TUB: variants seen among roughly 807,000 people sequenced by gnomAD.
The protein encoded by TUB is tubby protein homolog.
A neutral mutation model predicts 59.7 loss-of-function variants in TUB; 33 were observed. That is an observed-to-expected ratio of 0.55 (90% CI 0.42 to 0.74). The LOEUF (loss-of-function observed/expected upper bound fraction) is 0.74. Among genes scored for constraint, TUB ranks in the 30% least tolerant of loss-of-function variants. The pLI is 0.00. For synonymous variants in TUB, 293 were observed against 256.4 expected (o/e 1.14, Z -1.36); for missense variants, 659 against 672.0 (o/e 0.98, Z 0.21).
chr11:8,049,576 T>TAG (rs1564902522), intron 2 of TUB, among the ~76,000 whole-genome samples: 160 of 128,986 alleles, frequency 1.2e-3, no homozygotes, highest in African/African-American at 4.8e-3. Context: ...TATATATATA[T>TAG]ATATAGATAG....
intron 2 of TUB, among the ~76,000 whole-genome samples, chr11:8,042,713 T>C (rs2133737175): frequency 6.6e-6 from 1 of 152,370 alleles, no homozygotes; most frequent in Non-Finnish European, 1.5e-5. Flanking sequence ...TGACTAACAA[T>C]GTGCTTATGG....
At chr11:8,086,091 C>G (rs546242059) in intron 1 of TUB, among the ~76,000 whole-genome samples, 8 of 152,158 alleles carry the variant, frequency 5.3e-5, no homozygotes, top group African/African-American at 1.4e-4. Context: ...AGGAGGTGCC[C>G]GTGATGTAGG....
chr11:8,070,037 G>A (rs1197210815), intron 2 of TUB, among the ~76,000 whole-genome samples: 4 of 152,200 alleles, frequency 2.6e-5, no homozygotes, highest in Non-Finnish European at 4.4e-5. Flanking sequence ...ACTAGCCAGC[G>A]AGGCAACATG....
chr11:8,062,252 TG>T (rs71059148), intron 2 of TUB: 152,497 of 152,500 alleles, frequency 1, 76,247 homozygotes, highest in Middle Eastern at 1. Flanking sequence ...CCTGGGCAGG[TG>T]GGGGCCGCGG....
At chr11:8,048,810 G>A (rs2133749084) in intron 2 of TUB, among the ~76,000 whole-genome samples, 1 of 152,194 alleles carries the variant, frequency 6.6e-6, no homozygotes, top group African/African-American at 2.4e-5. Flanking sequence ...AATATGTAAT[G>A]TTGTAATGTT....
intron 2 of TUB, among the ~76,000 whole-genome samples, chr11:8,072,300 A>C (rs930936168): frequency 6.6e-6 from 1 of 152,068 alleles, no homozygotes; most frequent in Admixed American, 6.5e-5. Context: ...CAGAGGGGGA[A>C]GGGACCCTCT....
chr11:8,073,648 A>G (rs1943395423), intron 2 of TUB, among the ~76,000 whole-genome samples: 1 of 152,194 alleles, frequency 6.6e-6, no homozygotes, highest in South Asian at 2.1e-4. Context: ...TGCAAATCCA[A>G]TAATGCTGGT....
At chr11:8,049,141 GTGCTTTCCAAACCCT>G (rs1256931277) in intron 2 of TUB, among the ~76,000 whole-genome samples, 1 of 152,160 alleles carries the variant, frequency 6.6e-6, no homozygotes, top group Non-Finnish European at 1.5e-5. Flanking sequence ...GGGCTACCTT[GTGCTTTCCAAACCCT>G]TGCCCTTCTA....
intron 10 of TUB, 102 bp from the exon 11 acceptor site, chr11:8,100,724 T>A: frequency 6.4e-7 from 1 of 1,560,472 alleles, no homozygotes; most frequent in Non-Finnish European, 8.8e-7. Context: ...GCCCTGGAGG[T>A]CTAGGGAAAT....
At position 8,104,572 on chromosome 11, in the gene TUB, T is replaced by A. The variant is rs1327105410; in HGVS notation, c.*2953T>A. The A allele has an allele frequency of 6.6e-6, 1 of 152,180 alleles. No homozygotes were observed. The highest frequency in any genetic ancestry group is 1.5e-5 in the Non-Finnish European group (1 of 68,016). 9.4% of individuals were successfully genotyped at this position (152,180 alleles called of 1,614,324 possible). A position where few individuals can be genotyped will look rare whatever the true frequency, so the allele number is the denominator to read the frequency against. ...TTGTTATGATCGCCTGTGGATTTTG[T>A]CCATTCATCTCATGCTCTCTGAACA... is the stretch of plus-strand genomic sequence containing the variant. On this transcript the variant is annotated 3_prime_UTR_variant, in exon 12 of 12. Transcript: ENST00000299506.
chr11:8,100,788 A>G, intron 10 of TUB, 38 bp from the exon 11 acceptor site: 1 of 1,609,278 alleles, frequency 6.2e-7, no homozygotes, highest in Non-Finnish European at 8.5e-7. Context: ...CATGGTGCCA[A>G]AGGCCTGGGC....
chr11:8,089,479 G>A (rs1016263259), intron 1 of TUB, 131 bp from the exon 2 acceptor site: 13 of 1,083,890 alleles, frequency 1.2e-5, no homozygotes, highest in Admixed American at 1.9e-5. Context: ...CTTCTACCAT[G>A]TGGGCTCACT....
chr11:8,038,405 C>T (rs1473732331), upstream of TUB, among the ~76,000 whole-genome samples: 9 of 152,134 alleles, frequency 5.9e-5, no homozygotes, highest in Non-Finnish European at 1.0e-4. Context: ...CTAGAAGGCA[C>T]GATGTGTGCC....
chr11:8,023,458 C>T (rs1942459082), intron 1 of TUB, among the ~76,000 whole-genome samples: 1 of 152,234 alleles, frequency 6.6e-6, no homozygotes, highest in Non-Finnish European at 1.5e-5. Flanking sequence ...CCAGTTCACT[C>T]TATTCCATTC....
intron 2 of TUB, 52 bp downstream of exon 2, chr11:8,089,713 G>C (rs1157857811): frequency 6.2e-7 from 1 of 1,605,316 alleles, no homozygotes; most frequent in Non-Finnish European, 8.5e-7. Flanking sequence ...TGGGATCTCT[G>C]AGGGCAGAGG....
chr11:8,037,999 A>G (rs1167790320), upstream of TUB, among the ~76,000 whole-genome samples: 6 of 152,204 alleles, frequency 3.9e-5, no homozygotes, highest in African/African-American at 1.4e-4. Context: ...AGAGATGCTC[A>G]GTAGATGGCA....
rs1944380783 is a variant in TUB at position 8,103,205 on chromosome 11, A to T, written c.*1586A>T. 6.6e-6 allele frequency: 1 copy of T among 152,088 alleles called. No homozygotes were observed. Among genetic ancestry groups the T allele is most frequent in the East Asian group, 1.9e-4 (1 of 5,162 alleles). The allele number at this position is 152,088 out of a possible 1,614,324, so 9.4% of individuals were successfully genotyped here. A position where few individuals can be genotyped will look rare whatever the true frequency, so the allele number is the denominator to read the frequency against. ...GGGCCTGAGCCTAACTCCCTCCACT[A>T]CCGCTATTTCTCCTTGGATGGCACC... On this transcript the variant is annotated 3_prime_UTR_variant, in exon 12 of 12. Transcript: ENST00000299506.
intron 1 of TUB, among the ~76,000 whole-genome samples, chr11:8,085,504 G>A (rs572837090): frequency 1.3e-3 from 200 of 152,344 alleles, no homozygotes; most frequent in Admixed American, 2.3e-3. Context: ...AGAAGCCACA[G>A]ATCTGGACTT....
At chr11:8,043,018 T>C (rs1290657538) in intron 2 of TUB, among the ~76,000 whole-genome samples, 1 of 152,336 alleles carries the variant, frequency 6.6e-6, no homozygotes, top group East Asian at 1.9e-4. Context: ...TAGGATTTTT[T>C]ACAAAGATTT....
Sources: allele counts gnomAD v4.1 joint callset (sites outside exome capture counted in the v4.1 genomes callset), GRCh38; gene constraint gnomAD v4.1.1; transcripts MANE v1.5; gene names NCBI Gene and HGNC (gene_info 2026-07-23, HGNC 2026-07-21).